Variants in PNMA8A observed in about 807,000 individuals in gnomAD.
The protein encoded by PNMA8A is paraneoplastic antigen-like protein 8A.
PNMA8A carries 17 observed loss-of-function variants against 26.6 expected under a neutral mutation model. The ratio of observed to expected loss-of-function variants is 0.64; its 90% CI spans 0.44 to 0.96. The LOEUF (loss-of-function observed/expected upper bound fraction) is 0.96, where lower values mean the gene tolerates loss of function less well. Ranked by LOEUF, PNMA8A falls within the 40% of genes least tolerant of loss-of-function variation. The pLI is 0.00. For missense variants in PNMA8A, 532 were observed against 488.4 expected, an observed-to-expected ratio of 1.09 and a Z score of -0.84; for synonymous variants, 224 against 182.0, an observed-to-expected ratio of 1.23 and a Z score of -1.86.
chr19:46,470,271 C>T lies in PNMA8A; in HGVS notation c.765G>A (p.Val255=). Residue 255 remains valine (V), a synonymous_variant, in exon 2 of 3, where the codon GTG becomes GTA. Transcript: ENST00000313683. ...TGATGCCTTTGGGTTTTTTCCAGGG[C>T]ACTGCTTCCTGCCTGGAGTTCTTCT... is the stretch of plus-strand genomic sequence containing the variant. ...KQKKNSRQEA[V]PWKKPKGINS... is the part of the protein sequence containing the mutation. 2 of 1,613,838 alleles carry T rather than the reference C, an allele frequency of 1.2e-6. No homozygotes were observed. The highest frequency in any genetic ancestry group is 1.7e-5 in the Admixed American group (1 of 60,028).
chr19:46,469,721 T>C lies in PNMA8A; in HGVS notation c.1303+12A>G, dbSNP rs1412002947. On this transcript the variant is annotated intron_variant, in intron 2 of 2. Coordinates refer to ENST00000313683, the MANE Select transcript of PNMA8A (RefSeq NM_018215.4). The stretch of plus-strand genomic sequence containing the variant: ...CTGGCACGAGCCCAGTCACTTCTGC[T>C]ATCATTCTCACCATTGGTGGCACGC... 1 of 1,593,290 alleles carries C rather than the reference T, an allele frequency of 6.3e-7. No homozygotes were observed. The highest frequency in any genetic ancestry group is 2.2e-5 in the East Asian group (1 of 44,674).
rs1185960199 is a variant in PNMA8A at position 46,466,662 on chromosome 19, C to T, written c.*1899G>A. 3.9e-5 allele frequency: 6 copies of T among 152,284 alleles called. No homozygotes were observed. Among genetic ancestry groups the T allele is most frequent in the East Asian group, 3.9e-4 (2 of 5,184 alleles). 9.4% of individuals were successfully genotyped at this position (152,284 alleles called of 1,614,324 possible). A position where few individuals can be genotyped will look rare whatever the true frequency, so the allele number is the denominator to read the frequency against. ...AAGAATCCAATTCACCCCTGGGTTT[C>T]GCTTGGCACACACCCCAGGAGAACG... On this transcript the variant is annotated 3_prime_UTR_variant, in exon 3 of 3. Transcript: ENST00000313683.
chr19:46,470,659 C>G lies in PNMA8A; in HGVS notation c.377G>C (p.Arg126Pro), dbSNP rs61735870. Residue 126 changes from arginine (R) to proline (P), a missense_variant, in exon 2 of 3, where the codon CGC (arginine) becomes CCC (proline). Transcript: ENST00000313683. The part of the protein sequence containing the change: ...AEGRTWEDVV[R>P]LLQLNHPTLS... ...GGTGGGGTGGTTGAGCTGGAGCAGG[C>G]GGACCACATCCTCCCAGGTGCGCCC... 1 of 1,442,776 alleles carries G rather than the reference C, an allele frequency of 6.9e-7. No homozygotes were observed. The highest frequency in any genetic ancestry group is 9.8e-7 in the Non-Finnish European group (1 of 1,023,514). 89.4% of individuals were successfully genotyped at this position (1,442,776 alleles called of 1,614,324 possible).
At chr19:46,468,601 T>C in intron 2 of PNMA8A, 24 bp from the exon 3 acceptor site, 3 of 1,604,636 alleles carry the variant, frequency 1.9e-6, no homozygotes, top group Non-Finnish European at 2.6e-6. Flanking sequence ...AGAGAACAGA[T>C]CAAGAAGGGA....
chr19:46,470,756 T>G lies in PNMA8A; in HGVS notation c.280A>C (p.Arg94=). 1 of 798,908 alleles carries G rather than the reference T, an allele frequency of 1.3e-6. No individual in the cohort carries two copies. 49.5% of individuals were successfully genotyped at this position (798,908 alleles called of 1,614,324 possible). ...TGGGTAGGGTCTCTACAGACCACTCTCCAGACACCACCCCTTCCTGGGAAT... is the reference window on the plus strand; with the variant it reads ...TGGGTAGGGTCTCTACAGACCACTCGCCAGACACCACCCCTTCCTGGGAAT... ...REFPGRGGVW[R]VVCRDPTQDA... The change falls in exon 2 of 3, where the codon AGA becomes CGA. Residue 94 remains arginine, a synonymous_variant. Transcript: ENST00000313683.
At chr19:46,469,363 G>GCTT (rs1969750628) in intron 2 of PNMA8A, among the ~76,000 whole-genome samples, 1 of 152,128 alleles carries the variant, frequency 6.6e-6, no homozygotes, top group Non-Finnish European at 1.5e-5. Flanking sequence ...GCCCACCTTG[G>GCTT]CTTCCCAAAG....
chr19:46,470,548 C>A lies in PNMA8A; in HGVS notation c.488G>T (p.Cys163Phe), dbSNP rs1568607718. Reference sequence around the variant, plus strand: ...CCGGCTGCGGATCTCGGCATCCATGCAGAAGATGATCTGCACCACTGCTCC... The same window carrying A: ...CCGGCTGCGGATCTCGGCATCCATGAAGAAGATGATCTGCACCACTGCTCC... ...LLGAVVQIIF[C>F]MDAEIRSREE... The change falls in exon 2 of 3, where the codon TGC becomes TTC. Residue 163 changes from cysteine to phenylalanine, a missense_variant. Cys to Phe is a radical substitution (Grantham distance 205). Coordinates refer to ENST00000313683, the MANE Select transcript of PNMA8A (RefSeq NM_018215.4). 1 of 1,614,052 alleles carries A rather than the reference C, an allele frequency of 6.2e-7. No individual in the cohort carries two copies. Among genetic ancestry groups the A allele is most frequent in the Non-Finnish European group, 8.5e-7 (1 of 1,180,042 alleles).
At chr19:46,468,608 G>C (rs776818717) in intron 2 of PNMA8A, 31 bp from the exon 3 acceptor site, 11 of 1,594,268 alleles carry the variant, frequency 6.9e-6, no homozygotes, top group Non-Finnish European at 9.5e-6. Context: ...AGATCAAGAA[G>C]GGAAGCAGAG....
Position 46,470,515 on chromosome 19 carries a change from G to A in PNMA8A, c.521C>T (p.Ala174Val). The A allele has an allele frequency of 6.2e-7, 1 of 1,614,004 alleles. No individual in the cohort carries two copies. Among genetic ancestry groups the A allele is most frequent in the Non-Finnish European group, 8.5e-7 (1 of 1,180,034 alleles). The change falls in exon 2 of 3, where the codon GCC (alanine) becomes GTC (valine). Residue 174 changes from alanine (A) to valine (V), a missense_variant. By Grantham distance (64) the Ala-to-Val change is moderately conservative. Coordinates refer to ENST00000313683, the MANE Select transcript of PNMA8A (RefSeq NM_018215.4). Reference protein sequence around the residue: ...MDAEIRSREEARAQEAAEFEE... With the variant: ...MDAEIRSREEVRAQEAAEFEE... The stretch of plus-strand genomic sequence containing the variant: ...GAATTCAGCGGCCTCCTGGGCCCTG[G>A]CTTCCTCCCGGCTGCGGATCTCGGC...
chr19:46,468,991 A>G (rs533658891), intron 2 of PNMA8A, among the ~76,000 whole-genome samples: 18 of 152,288 alleles, frequency 1.2e-4, no homozygotes, highest in African/African-American at 4.1e-4. Flanking sequence ...ACAAACCACC[A>G]TGCCCAGCTA....
chr19:46,469,251 G>C (rs1051346584), intron 2 of PNMA8A, among the ~76,000 whole-genome samples: 3 of 149,270 alleles, frequency 2.0e-5, no homozygotes, highest in Non-Finnish European at 4.4e-5. Flanking sequence ...TGGGATTACA[G>C]GTATGTGGCA....
At chr19:46,469,380 G>A (rs1020855436) in intron 2 of PNMA8A, among the ~76,000 whole-genome samples, 1 of 152,158 alleles carries the variant, frequency 6.6e-6, no homozygotes, top group Non-Finnish European at 1.5e-5. Context: ...AAAGTGCTGG[G>A]ATTACAGGCA....
At position 46,470,368 on chromosome 19, in the gene PNMA8A, T is replaced by G. The variant is rs771530001; in HGVS notation, c.668A>C (p.Asp223Ala). ...ETPNNWNATE[D>A]QHEPTKPLVR... ...CAAAGGTTTGGTAGGCTCATGCTGGTCTTCCGTGGCATTCCAGTTGTTGGG... is the reference window on the plus strand; with the variant it reads ...CAAAGGTTTGGTAGGCTCATGCTGGGCTTCCGTGGCATTCCAGTTGTTGGG... The change falls in exon 2 of 3, where the codon GAC (aspartate) becomes GCC (alanine). Residue 223 changes from aspartate (D) to alanine (A), a missense_variant. Asp to Ala is a moderately radical substitution (Grantham distance 126). Coordinates refer to ENST00000313683, the MANE Select transcript of PNMA8A (RefSeq NM_018215.4). 1.2e-6 allele frequency: 2 copies of G among 1,614,032 alleles called. No homozygotes were observed. The highest frequency in any genetic ancestry group is 1.7e-6 in the Non-Finnish European group (2 of 1,180,030).
At position 46,470,163 on chromosome 19, in the gene PNMA8A, G is replaced by C; in HGVS notation, c.873C>G (p.Ser291Arg). ...CCTCCTTATTCACACAGGGCTTTCTGCTGCCCTTGATCGGCTCTGAGATCG... is the reference window on the plus strand; with the variant it reads ...CCTCCTTATTCACACAGGGCTTTCTCCTGCCCTTGATCGGCTCTGAGATCG... ...SMAISEPIKGSRKPCVNKEEL... is the reference protein window; with the variant it reads ...SMAISEPIKGRRKPCVNKEEL... The change falls in exon 2 of 3, where the codon AGC becomes AGG. Residue 291 changes from serine (S) to arginine (R), a missense_variant. Coordinates refer to ENST00000313683, the MANE Select transcript of PNMA8A (RefSeq NM_018215.4). 1.9e-6 allele frequency: 3 copies of C among 1,614,046 alleles called. No homozygotes were observed. The highest frequency in any genetic ancestry group is 2.5e-6 in the Non-Finnish European group (3 of 1,180,004).
chr19:46,470,263 T>A lies in PNMA8A; in HGVS notation c.773A>T (p.Lys258Ile), dbSNP rs1969768250. The A allele has an allele frequency of 6.2e-7, 1 of 1,613,976 alleles. No homozygotes were observed. The highest frequency in any genetic ancestry group is 2.2e-5 in the East Asian group (1 of 44,880). The change falls in exon 2 of 3, where the codon AAA becomes ATA. Residue 258 changes from lysine (K) to isoleucine (I), a missense_variant. Coordinates refer to ENST00000313683, the MANE Select transcript of PNMA8A (RefSeq NM_018215.4). ...GTTGGAATTGATGCCTTTGGGTTTT[T>A]TCCAGGGCACTGCTTCCTGCCTGGA... is the stretch of plus-strand genomic sequence containing the variant. The part of the protein sequence containing the change: ...KNSRQEAVPW[K>I]KPKGINSNST...
chr19:46,471,426 C>A lies in PNMA8A; in HGVS notation c.-169G>T, dbSNP rs897547454. 10 of 163,458 alleles carry A rather than the reference C, an allele frequency of 6.1e-5. No individual in the cohort carries two copies. Among genetic ancestry groups the A allele is most frequent in the Non-Finnish European group, 1.1e-4 (8 of 75,694 alleles). 10.1% of individuals were successfully genotyped at this position (163,458 alleles called of 1,614,324 possible). A position where few individuals can be genotyped will look rare whatever the true frequency, so the allele number is the denominator to read the frequency against. On this transcript the variant is annotated 5_prime_UTR_variant, in exon 1 of 3. Transcript: ENST00000313683. Reference sequence around the variant, plus strand: ...CAGTCGCTGGCTCCGGCTACCCCGGCGCCGCTGCTAGAGGCAGAAAGGGCC... The same window carrying A: ...CAGTCGCTGGCTCCGGCTACCCCGGAGCCGCTGCTAGAGGCAGAAAGGGCC...
chr19:46,470,550 G>T lies in PNMA8A; in HGVS notation c.486C>A (p.Phe162Leu), dbSNP rs777010398. 5 of 1,614,072 alleles carry T rather than the reference G, an allele frequency of 3.1e-6. No homozygotes were observed. The East Asian group carries it at 1.1e-4, about 36-fold the overall frequency. Residue 162 changes from phenylalanine (F) to leucine (L), a missense_variant, in exon 2 of 3, where the codon TTC becomes TTA. By Grantham distance (22) the Phe-to-Leu change is conservative. Coordinates refer to ENST00000313683, the MANE Select transcript of PNMA8A (RefSeq NM_018215.4). ...GGCTGCGGATCTCGGCATCCATGCA[G>T]AAGATGATCTGCACCACTGCTCCCA... ...VLLGAVVQII[F>L]CMDAEIRSRE...
rs144550635 is a variant in PNMA8A, at chr19:46,470,531, G to T, written c.505C>A (p.Arg169Ser). 479 of 1,613,874 alleles carry T rather than the reference G, an allele frequency of 3.0e-4. No homozygotes were observed. The highest frequency in any genetic ancestry group is 3.9e-4 in the Non-Finnish European group (456 of 1,180,034). ...TGGGCCCTGGCTTCCTCCCGGCTGC[G>T]GATCTCGGCATCCATGCAGAAGATG... ...QIIFCMDAEI[R>S]SREEARAQEA... The change falls in exon 2 of 3, where the codon CGC becomes AGC. Residue 169 changes from arginine to serine, a missense_variant. Arg to Ser is a moderately radical substitution (Grantham distance 110). Coordinates refer to ENST00000313683, the MANE Select transcript of PNMA8A (RefSeq NM_018215.4).
At position 46,470,466 on chromosome 19, in the gene PNMA8A, T is replaced by C. The variant is rs775962611; in HGVS notation, c.570A>G (p.Leu190=). ...AEFEEMAAWA[L]AAGRKVKKEP... is the part of the protein sequence containing the mutation. ...CTTTCTTCACCTTCCTCCCTGCTGC[T>C]AAAGCCCAGGCTGCCATCTCCTCGA... The change falls in exon 2 of 3, where the codon TTA becomes TTG. Residue 190 remains leucine (L), a synonymous_variant. Transcript: ENST00000313683. 1 of 1,614,074 alleles carries C rather than the reference T, an allele frequency of 6.2e-7. No homozygotes were observed. Among genetic ancestry groups the C allele is most frequent in the Admixed American group, 1.7e-5 (1 of 60,026 alleles).
Sources: gnomAD v4.1 joint callset for allele counts (sites outside exome capture counted in the v4.1 genomes callset) on GRCh38, gnomAD v4.1.1 for gene constraint, MANE v1.5 for transcripts, NCBI Gene and HGNC (gene_info 2026-07-23, HGNC 2026-07-21) for gene names.